SHQ1: variants seen among roughly 807,000 people sequenced by gnomAD.
The protein encoded by SHQ1 is protein SHQ1 homolog.
In SHQ1, 49 loss-of-function variants were observed where a neutral mutation model predicts 53.8. The ratio of observed to expected loss-of-function variants is 0.91; its 90% CI spans 0.72 to 1.16. SHQ1 has a LOEUF of 1.16. Ranked by LOEUF, SHQ1 falls within the 50% of genes most tolerant of loss-of-function variation. SHQ1 has a pLI of 0.00. For synonymous variants in SHQ1, 243 were observed against 251.0 expected (o/e 0.97, Z 0.30); for missense variants, 738 against 683.1 (o/e 1.08, Z -0.90).
chr3:72,755,200 G>A (rs2106707162), intron 10 of SHQ1, among the ~76,000 whole-genome samples: 1 of 151,956 alleles, frequency 6.6e-6, no homozygotes, highest in South Asian at 2.1e-4. Context: ...TTTCACTTTC[G>A]GCATTATATT....
At chr3:72,739,031 G>T in the SHQ1 span, among the ~76,000 whole-genome samples, 1 of 152,264 alleles carries the variant, frequency 6.6e-6, no homozygotes, top group African/African-American at 2.4e-5. Flanking sequence ...CCGCGGATTA[G>T]CGGGTTGGCT....
At chr3:72,726,311 G>A in the SHQ1 span, among the ~76,000 whole-genome samples, 2 of 152,212 alleles carry the variant, frequency 1.3e-5, no homozygotes, top group Admixed American at 1.3e-4. Context: ...CACTTCTTGG[G>A]CAGGGCAGTA....
chr3:72,848,106 A>T lies in SHQ1; in HGVS notation c.143+92T>A, dbSNP rs528639764. 140 of 1,478,888 alleles carry T rather than the reference A, an allele frequency of 9.5e-5. No homozygotes were observed. In the African/African-American group the frequency reaches 1.8e-3, roughly 19 times the overall value. The allele number at this position is 1,478,888 out of a possible 1,614,324, so 91.6% of individuals were successfully genotyped here. A position where few individuals can be genotyped will look rare whatever the true frequency, so the allele number is the denominator to read the frequency against. ...AAACGTCGGGAAAAGGCATTCGCGC[A>T]ATCGAGCACTGCTCTCTCGACCTTG... On this transcript the variant is annotated intron_variant, in intron 1 of 10. Transcript: ENST00000325599.
intron 10 of SHQ1, among the ~76,000 whole-genome samples, chr3:72,780,742 C>T (rs1259720294): frequency 1.3e-5 from 2 of 152,200 alleles, no homozygotes; most frequent in East Asian, 3.8e-4. Flanking sequence ...TTTCACCTTT[C>T]ACTCTGTCAC....
Position 72,750,255 on chromosome 3 carries a change from T to C in SHQ1, c.*29A>G, listed in dbSNP as rs1705334986. Reference sequence around the variant, plus strand: ...TAAATGAAACCCAATCTACCATATTTCTCAACAATGAATAAAACCACCTAA... The same window carrying C: ...TAAATGAAACCCAATCTACCATATTCCTCAACAATGAATAAAACCACCTAA... On this transcript the variant is annotated 3_prime_UTR_variant, in exon 11 of 11. Transcript: ENST00000325599. The C allele has an allele frequency of 4.6e-6, 7 of 1,510,888 alleles. No individual in the cohort carries two copies. The highest frequency in any genetic ancestry group is 5.4e-6 in the Non-Finnish European group (6 of 1,113,292). 93.6% of individuals were successfully genotyped at this position (1,510,888 alleles called of 1,614,324 possible).
chr3:72,788,447 T>C (rs1376388856), intron 10 of SHQ1, among the ~76,000 whole-genome samples: 2 of 149,226 alleles, frequency 1.3e-5, no homozygotes, highest in East Asian at 4.1e-4. Flanking sequence ...GCAGCCGCCC[T>C]GTCAGGGAAG....
chr3:72,782,891 A>G (rs1249286800), intron 10 of SHQ1, among the ~76,000 whole-genome samples: 1 of 152,248 alleles, frequency 6.6e-6, no homozygotes, highest in Non-Finnish European at 1.5e-5. Context: ...AGACTATTCA[A>G]GCACAGTGAA....
chr3:72,790,029 C>T (rs1424192798), intron 10 of SHQ1, among the ~76,000 whole-genome samples: 1 of 152,196 alleles, frequency 6.6e-6, no homozygotes, highest in African/African-American at 2.4e-5. Flanking sequence ...CTTTCTAAGG[C>T]TGCCAACCAC....
intron 10 of SHQ1, among the ~76,000 whole-genome samples, chr3:72,758,429 C>T (rs1400043206): frequency 1.3e-5 from 2 of 152,090 alleles, no homozygotes; most frequent in Admixed American, 1.3e-4. Context: ...ATCATCTAGT[C>T]CATGGATCAG....
chr3:72,748,520 G>A (rs1050088389), downstream of SHQ1, among the ~76,000 whole-genome samples: 22 of 151,716 alleles, frequency 1.5e-4, no homozygotes, highest in African/African-American at 4.4e-4. Context: ...GCAAAACCCC[G>A]TCTCTACCAA....
At chr3:72,793,488 C>T (rs1379253010) in intron 9 of SHQ1, 1 of 126,774 alleles carries the variant, frequency 7.9e-6, no homozygotes, top group East Asian at 2.3e-4. Flanking sequence ...GCCTGGGCGA[C>T]AGAGAAAGAC....
intron 7 of SHQ1, 34 bp from the exon 8 acceptor site, chr3:72,815,437 A>T: frequency 1.3e-6 from 2 of 1,549,724 alleles, no homozygotes; most frequent in Non-Finnish European, 1.8e-6. Flanking sequence ...ATACCATCAC[A>T]TTAGAGGTGA....
chr3:72,734,806 G>T, the SHQ1 span, among the ~76,000 whole-genome samples: 1 of 151,596 alleles, frequency 6.6e-6, no homozygotes, highest in Non-Finnish European at 1.5e-5. Flanking sequence ...AGGGATCGTC[G>T]CACTATTGCA....
the SHQ1 span, among the ~76,000 whole-genome samples, chr3:72,735,244 A>G: frequency 6.6e-6 from 1 of 151,402 alleles, no homozygotes; most frequent in Non-Finnish European, 1.5e-5. Flanking sequence ...TAAAACACCT[A>G]CCATTTGTTT....
chr3:72,777,369 T>G (rs1281319945), intron 10 of SHQ1, among the ~76,000 whole-genome samples: 1 of 152,142 alleles, frequency 6.6e-6, no homozygotes, highest in African/African-American at 2.4e-5. Context: ...GAAGTCCTAT[T>G]GAAAAACAGG....
intron 4 of SHQ1, among the ~76,000 whole-genome samples, chr3:72,839,505 C>T (rs1451209381): frequency 6.6e-6 from 1 of 152,196 alleles, no homozygotes; most frequent in Admixed American, 6.5e-5. Context: ...GGAGTCTTTA[C>T]AGCATTCTAC....
At chr3:72,837,252 A>T (rs1447204408) in intron 4 of SHQ1, among the ~76,000 whole-genome samples, 2 of 152,224 alleles carry the variant, frequency 1.3e-5, no homozygotes, top group Non-Finnish European at 2.9e-5. Context: ...GGGTATGGGG[A>T]GTGGAGGGAG....
At chr3:72,785,237 G>T (rs1706191798) in intron 10 of SHQ1, among the ~76,000 whole-genome samples, 1 of 152,188 alleles carries the variant, frequency 6.6e-6, no homozygotes, top group Non-Finnish European at 1.5e-5. Context: ...TGACCTCCTG[G>T]TATCCAGCTG....
chr3:72,760,115 G>T (rs1705576518), intron 10 of SHQ1, among the ~76,000 whole-genome samples: 1 of 152,112 alleles, frequency 6.6e-6, no homozygotes, highest in Non-Finnish European at 1.5e-5. Flanking sequence ...ATGGTGAGTG[G>T]TTCCATGTGG....
Sources: allele counts gnomAD v4.1 joint callset (sites outside exome capture counted in the v4.1 genomes callset), GRCh38; gene constraint gnomAD v4.1.1; transcripts MANE v1.5; gene names NCBI Gene and HGNC (gene_info 2026-07-23, HGNC 2026-07-21).